CMIP: variants seen among roughly 807,000 people sequenced by gnomAD.
CMIP encodes the protein C-Maf-inducing protein.
CMIP carries 13 observed loss-of-function variants against 97.3 expected under a neutral mutation model. The ratio of observed to expected loss-of-function variants is 0.13; its 90% CI spans 0.09 to 0.21. The LOEUF (loss-of-function observed/expected upper bound fraction) is 0.21, where lower values mean the gene tolerates loss of function less well. Ranked by LOEUF, CMIP falls within the 10% of genes least tolerant of loss-of-function variation. The pLI is 1.00. For missense variants in CMIP, 847 were observed against 1,024.9 expected (o/e 0.83, Z 2.37); for synonymous variants, 538 against 436.3 (o/e 1.23, Z -2.91).
At chr16:81,594,780 ATTTTTTTTTTTT>A (rs570057427) in intron 1 of CMIP, among the ~76,000 whole-genome samples, 2 of 115,078 alleles carry the variant, frequency 1.7e-5, no homozygotes, top group South Asian at 2.9e-4. Flanking sequence ...CGCCCAGCTA[ATTTTTTTTTTTT>A]TTTTTTTTTT....
intron 1 of CMIP, among the ~76,000 whole-genome samples, chr16:81,448,929 T>C (rs1906035768): frequency 6.6e-6 from 1 of 152,228 alleles, no homozygotes. Context: ...TCTTCATGGC[T>C]GGTGATGGTC....
At chr16:81,499,231 C>T (rs909602340) in intron 1 of CMIP, among the ~76,000 whole-genome samples, 7 of 152,108 alleles carry the variant, frequency 4.6e-5, no homozygotes, top group Non-Finnish European at 8.8e-5. Context: ...ACCCCCTCAC[C>T]GTATACACAT....
chr16:81,654,096 C>T lies in CMIP; in HGVS notation c.639+1732C>T, dbSNP rs190134592. Among the ~76,000 whole-genome samples the T allele has an allele frequency of 3.0e-3, 450 of 152,348 alleles. 1 individual carries two copies. Among genetic ancestry groups the T allele is most frequent in the Non-Finnish European group, 4.9e-3 (335 of 68,024 alleles). On this transcript the variant is annotated intron_variant, in intron 4 of 20. Coordinates refer to ENST00000537098, the MANE Select transcript of CMIP (RefSeq NM_198390.3). ...GCGCCACCAGGCTCAACCACCACCACACCCTTATTAAATCAGGGCAGTGCT... is the reference window on the plus strand; with the variant it reads ...GCGCCACCAGGCTCAACCACCACCATACCCTTATTAAATCAGGGCAGTGCT...
At chr16:81,466,409 T>C (rs943756014) in intron 1 of CMIP, among the ~76,000 whole-genome samples, 2 of 152,210 alleles carry the variant, frequency 1.3e-5, no homozygotes, top group African/African-American at 4.8e-5. Context: ...TCTTGGTTGA[T>C]TGGAGGCCAG....
intron 8 of CMIP, among the ~76,000 whole-genome samples, chr16:81,670,689 C>T (rs1038210464): frequency 2.0e-5 from 3 of 150,124 alleles, no homozygotes; most frequent in Admixed American, 1.3e-4. Context: ...CCAGTTTCCT[C>T]ATCTGTCACA....
At chr16:81,688,048 G>A (rs184076760) in intron 10 of CMIP, among the ~76,000 whole-genome samples, 65 of 152,382 alleles carry the variant, frequency 4.3e-4, no homozygotes, top group Non-Finnish European at 7.8e-4. Context: ...TTGCATCTGC[G>A]TTATCAGCAG....
chr16:81,456,434 G>T (rs1906551724), intron 1 of CMIP, among the ~76,000 whole-genome samples: 1 of 152,204 alleles, frequency 6.6e-6, no homozygotes, highest in Admixed American at 6.5e-5. Flanking sequence ...AGTCCCTGGT[G>T]GGGTGTGAGC....
At chr16:81,699,587 A>C (rs1907156401) in intron 14 of CMIP, 98 bp from the exon 15 acceptor site, 2 of 725,178 alleles carry the variant, frequency 2.8e-6, no homozygotes, top group Non-Finnish European at 4.9e-6. Flanking sequence ...GCGTGTAGGC[A>C]GGTCTGTTCA....
intron 1 of CMIP, among the ~76,000 whole-genome samples, chr16:81,552,729 C>T (rs546722191): frequency 5.1e-4 from 78 of 152,330 alleles, no homozygotes; most frequent in African/African-American, 1.2e-3. Flanking sequence ...GGGATCAGGG[C>T]GAAGACATAG....
intron 1 of CMIP, among the ~76,000 whole-genome samples, chr16:81,545,179 C>A (rs770787487): frequency 6.6e-6 from 1 of 152,216 alleles, no homozygotes; most frequent in Non-Finnish European, 1.5e-5. Context: ...CTGCCCTCCT[C>A]CCTGCAGGGT....
rs567646841 is a variant in CMIP at position 81,447,192 on chromosome 16, T to C, written c.300+1651T>C. 8.6e-5 allele frequency among the ~76,000 whole-genome samples: 13 copies of C among 151,510 alleles called. No individual in the cohort carries two copies. The East Asian group carries it at 2.3e-3, about 27-fold the overall frequency. On this transcript the variant is annotated intron_variant, in intron 1 of 20. Transcript: ENST00000537098. ...CTGCCTGGATTCTGGAGACCCCAGA[T>C]CTGGCTTCAGAATTTTCACCTGGCT...
intron 1 of CMIP, among the ~76,000 whole-genome samples, chr16:81,475,490 A>T (rs1567534090): frequency 6.6e-6 from 1 of 150,618 alleles, no homozygotes; most frequent in Non-Finnish European, 1.5e-5. Flanking sequence ...TGTTTCCTAG[A>T]TTTTTTTTTT....
chr16:81,544,001 A>G (rs2090496440), intron 1 of CMIP, among the ~76,000 whole-genome samples: 1 of 152,234 alleles, frequency 6.6e-6, no homozygotes, highest in South Asian at 2.1e-4. Context: ...TTTTTATTGC[A>G]TCCACCTGGC....
Position 81,610,569 on chromosome 16 carries a change from G to A in CMIP, c.426+2877G>A, listed in dbSNP as rs2091814891. On this transcript the variant is annotated intron_variant, in intron 2 of 20. Transcript: ENST00000537098. The stretch of plus-strand genomic sequence containing the variant: ...GGTGCAGCCCCTGCCCCTGGCGGCT[G>A]TGGTTCTCTCCCTGGCTGCCATTTC... The A allele has an allele frequency of 4.1e-6, 4 of 982,424 alleles. No homozygotes were observed. In the African/African-American group the frequency reaches 7.0e-5, roughly 17 times the overall value. 60.9% of individuals were successfully genotyped at this position (982,424 alleles called of 1,614,324 possible).
At chr16:81,593,376 G>C (rs2091495737) in intron 1 of CMIP, among the ~76,000 whole-genome samples, 1 of 152,118 alleles carries the variant, frequency 6.6e-6, no homozygotes, top group African/African-American at 2.4e-5. Context: ...TAGCCTGGGG[G>C]GTTGGAGGGC....
chr16:81,476,226 C>T (rs373963285), intron 1 of CMIP: 10 of 1,417,034 alleles, frequency 7.1e-6, no homozygotes, highest in Non-Finnish European at 8.0e-6. Flanking sequence ...TTGCCATGGA[C>T]AAGATGCCGG....
chr16:81,575,797 T>A (rs2091178744), intron 1 of CMIP, among the ~76,000 whole-genome samples: 2 of 152,276 alleles, frequency 1.3e-5, no homozygotes, highest in South Asian at 4.1e-4. Flanking sequence ...AGTCTGATGA[T>A]GTGTGTGAGT....
At chr16:81,609,421 G>A (rs929001530) in intron 2 of CMIP, among the ~76,000 whole-genome samples, 4 of 152,204 alleles carry the variant, frequency 2.6e-5, no homozygotes, top group African/African-American at 7.2e-5. Context: ...AGTGGCCAAC[G>A]GAGAGGTAGG....
intron 10 of CMIP, among the ~76,000 whole-genome samples, chr16:81,686,672 G>T (rs1480776787): frequency 6.6e-6 from 1 of 152,150 alleles, no homozygotes; most frequent in Admixed American, 6.5e-5. Context: ...GGTTCTGAAG[G>T]CTGCCACTCT....
Sources: allele counts gnomAD v4.1 joint callset (sites outside exome capture counted in the v4.1 genomes callset), GRCh38; gene constraint gnomAD v4.1.1; transcripts MANE v1.5; gene names NCBI Gene and HGNC (gene_info 2026-07-23, HGNC 2026-07-21).